The following TENM4 variants were observed in gnomAD, a reference collection of about 807,000 sequenced individuals.
The protein encoded by TENM4 is teneurin transmembrane protein 4.
TENM4 carries 82 observed loss-of-function variants against 243.3 expected under a neutral mutation model. That is an observed-to-expected ratio of 0.34 (90% CI 0.28 to 0.40). The LOEUF (loss-of-function observed/expected upper bound fraction) is 0.40. TENM4 is among the 10% of genes least tolerant of loss of function. TENM4 has a pLI of 1.00. For missense variants in TENM4, 3,138 were observed against 3,673.3 expected (o/e 0.85, Z 3.77); for synonymous variants, 1,412 against 1,456.3 (o/e 0.97, Z 0.69).
At chr11:78,913,574 G>A (rs1490332572) in intron 6 of TENM4, among the ~76,000 whole-genome samples, 1 of 146,934 alleles carries the variant, frequency 6.8e-6, no homozygotes, top group Non-Finnish European at 1.5e-5. Flanking sequence ...TAGTTGATGG[G>A]TAAGAGGTAT....
intron 4 of TENM4, among the ~76,000 whole-genome samples, chr11:79,144,964 C>T (rs1255512398): frequency 6.6e-6 from 1 of 151,940 alleles, no homozygotes; most frequent in Admixed American, 6.6e-5. Flanking sequence ...ATGATAAATG[C>T]TTGAGGTGAT....
At chr11:79,368,999 G>A (rs936228206) in intron 1 of TENM4, among the ~76,000 whole-genome samples, 1 of 152,150 alleles carries the variant, frequency 6.6e-6, no homozygotes, top group Admixed American at 6.5e-5. Context: ...AGGGGGCTTT[G>A]GTGGTTGCAA....
rs149555641 is a variant in TENM4 at position 79,011,453 on chromosome 11, C to A, written c.493+53285G>T. ...TCTGGGTGCGTTTTCTAGTTGCCTGCCCAAGACTCTCCTAAGCGAGTATTG... is the reference window on the plus strand; with the variant it reads ...TCTGGGTGCGTTTTCTAGTTGCCTGACCAAGACTCTCCTAAGCGAGTATTG... On this transcript the variant is annotated intron_variant, in intron 6 of 33. Transcript: ENST00000278550. Among the ~76,000 whole-genome samples the A allele has an allele frequency of 3.9e-5, 6 of 152,316 alleles. No individual in the cohort carries two copies. The East Asian group carries it at 1.2e-3, about 29-fold the overall frequency.
intron 3 of TENM4, among the ~76,000 whole-genome samples, chr11:79,163,855 TAC>T (rs1200844524): frequency 6.9e-6 from 1 of 145,522 alleles, no homozygotes; most frequent in Non-Finnish European, 1.5e-5. Context: ...TATACATATA[TAC>T]ACACATATAT....
intron 6 of TENM4, among the ~76,000 whole-genome samples, chr11:78,992,378 C>T (rs558933688): frequency 1.3e-5 from 2 of 152,336 alleles, no homozygotes; most frequent in Admixed American, 6.5e-5. Flanking sequence ...TCAGGGACTC[C>T]CAAACCCCTA....
At chr11:79,225,244 C>T (rs550777363) in intron 2 of TENM4, among the ~76,000 whole-genome samples, 2 of 152,296 alleles carry the variant, frequency 1.3e-5, no homozygotes, top group South Asian at 4.1e-4. Flanking sequence ...GAAAGCACGT[C>T]TGCAGTGAGA....
intron 9 of TENM4, among the ~76,000 whole-genome samples, chr11:78,879,166 G>A (rs1859347690): frequency 6.6e-6 from 1 of 150,540 alleles, no homozygotes; most frequent in Non-Finnish European, 1.5e-5. Context: ...CCCCGTCTGG[G>A]ATGTGAGGAG....
intron 6 of TENM4, among the ~76,000 whole-genome samples, chr11:79,019,602 C>A (rs759935681): frequency 6.6e-6 from 1 of 152,238 alleles, no homozygotes; most frequent in Non-Finnish European, 1.5e-5. Flanking sequence ...TTCCCACATT[C>A]TAATTTATTA....
chr11:79,127,458 T>C (rs1291617532), intron 4 of TENM4, among the ~76,000 whole-genome samples: 1 of 136,282 alleles, frequency 7.3e-6, no homozygotes, highest in Admixed American at 7.2e-5. Flanking sequence ...GTTGCTTGAG[T>C]AAATTCACAC....
At chr11:78,930,914 A>G (rs933858788) in intron 6 of TENM4, among the ~76,000 whole-genome samples, 1 of 152,210 alleles carries the variant, frequency 6.6e-6, no homozygotes, top group African/African-American at 2.4e-5. Flanking sequence ...TTTTGGGCCC[A>G]GACTTCATAC....
chr11:79,397,189 G>C (rs1354197004), intron 1 of TENM4, among the ~76,000 whole-genome samples: 1 of 152,190 alleles, frequency 6.6e-6, no homozygotes, highest in East Asian at 1.9e-4. Context: ...TCATGGCTGA[G>C]GACAGAAAAT....
intron 6 of TENM4, among the ~76,000 whole-genome samples, chr11:78,957,643 C>G (rs935236548): frequency 9.2e-5 from 14 of 152,204 alleles, no homozygotes; most frequent in African/African-American, 3.4e-4. Context: ...GTCAATGAAA[C>G]TGCCAAACAA....
chr11:78,753,908 T>C (rs1283033370), intron 19 of TENM4, among the ~76,000 whole-genome samples: 1 of 152,228 alleles, frequency 6.6e-6, no homozygotes, highest in African/African-American at 2.4e-5. Context: ...AGTTGACTTC[T>C]TCTGCTTCTG....
intron 12 of TENM4, among the ~76,000 whole-genome samples, chr11:78,815,809 G>C (rs1857593759): frequency 6.6e-6 from 1 of 152,210 alleles, no homozygotes; most frequent in African/African-American, 2.4e-5. Flanking sequence ...AAAACCAACA[G>C]GTGGCTGAGA....
intron 6 of TENM4, among the ~76,000 whole-genome samples, chr11:79,058,066 C>A (rs1859985792): frequency 6.6e-6 from 1 of 152,144 alleles, no homozygotes; most frequent in Non-Finnish European, 1.5e-5. Flanking sequence ...CCAGTATGAT[C>A]TCTGGGTCCT....
At chr11:79,157,711 T>A (rs1862652208) in intron 3 of TENM4, among the ~76,000 whole-genome samples, 1 of 152,220 alleles carries the variant, frequency 6.6e-6, no homozygotes, top group African/African-American at 2.4e-5. Context: ...GTCCACAAGC[T>A]GCCTCCTCTG....
intron 18 of TENM4, 29 bp downstream of exon 18, chr11:78,770,963 C>T: frequency 6.4e-7 from 1 of 1,566,382 alleles, no homozygotes; most frequent in South Asian, 1.2e-5. Flanking sequence ...TCTGGAGCCG[C>T]CTGGAGCCCA....
intron 6 of TENM4, among the ~76,000 whole-genome samples, chr11:78,931,676 A>G (rs905878183): frequency 7.2e-5 from 11 of 152,164 alleles, no homozygotes; most frequent in African/African-American, 2.7e-4. Flanking sequence ...TAGGCTCACT[A>G]AGCTGCTATG....
At chr11:78,697,183 C>T (rs1858989974) in intron 28 of TENM4, among the ~76,000 whole-genome samples, 1 of 152,218 alleles carries the variant, frequency 6.6e-6, no homozygotes, top group Admixed American at 6.5e-5. Context: ...TTGCTACAGC[C>T]TCCAAGGGCT....
Sources: gnomAD v4.1 joint callset for allele counts (sites outside exome capture counted in the v4.1 genomes callset) on GRCh38, gnomAD v4.1.1 for gene constraint, MANE v1.5 for transcripts, NCBI Gene and HGNC (gene_info 2026-07-23, HGNC 2026-07-21) for gene names.